The following WNK3 variants were observed in gnomAD, a reference collection of about 807,000 sequenced individuals.
The protein encoded by WNK3 is WNK lysine deficient protein kinase 3, also known as serine/threonine-protein kinase WNK3.
WNK3 carries 18 observed loss-of-function variants against 116.7 expected under a neutral mutation model. That is an observed-to-expected ratio of 0.15 (90% CI 0.11 to 0.23). The LOEUF (loss-of-function observed/expected upper bound fraction) is 0.23. Among genes scored for constraint, WNK3 ranks in the 10% least tolerant of loss-of-function variants. WNK3 has a pLI of 1.00. For synonymous variants in WNK3, 404 were observed against 469.4 expected (o/e 0.86, Z 1.80); for missense variants, 993 against 1,323.8 (o/e 0.75, Z 3.88).
chrX:54,286,731 G>A (rs1415255978), intron 10 of WNK3, among the ~76,000 whole-genome samples: 1 of 109,500 alleles, frequency 9.1e-6, no homozygotes, highest in East Asian at 2.9e-4. Flanking sequence ...TGGGCAACAT[G>A]GTGAATCCCT....
exon 24 of WNK3, chrX:54,193,596 T>C (rs1245933063): frequency 9.0e-6 from 1 of 110,951 alleles, no homozygotes; most frequent in Non-Finnish European, 1.9e-5. Context: ...AAAATAACTT[T>C]AGTGTAACCT....
chrX:54,227,257 T>C (rs1212830316), intron 22 of WNK3, among the ~76,000 whole-genome samples: 1 of 111,876 alleles, frequency 8.9e-6, no homozygotes, highest in Admixed American at 9.5e-5. Flanking sequence ...AATTGCCTTT[T>C]TAAATTTCAG....
intron 1 of WNK3, among the ~76,000 whole-genome samples, chrX:54,336,650 G>A (rs782073857): frequency 9.0e-6 from 1 of 111,244 alleles, no homozygotes; most frequent in Admixed American, 9.7e-5. Flanking sequence ...GAGGCAGATA[G>A]ACACCAGGGA....
At chrX:54,315,172 C>CA (rs782072428) in intron 2 of WNK3, among the ~76,000 whole-genome samples, 12 of 108,858 alleles carry the variant, frequency 1.1e-4, no homozygotes, top group Admixed American at 4.0e-4. Flanking sequence ...AGGCACGTCC[C>CA]AATAGCTGTA....
At chrX:54,326,512 T>C (rs2069107393) in intron 2 of WNK3, among the ~76,000 whole-genome samples, 1 of 110,703 alleles carries the variant, frequency 9.0e-6, no homozygotes, top group Non-Finnish European at 1.9e-5. Context: ...AAGACTAGCC[T>C]GAGCAACATA....
At chrX:54,327,960 C>A (rs1326990772) in intron 2 of WNK3, among the ~76,000 whole-genome samples, 1 of 106,671 alleles carries the variant, frequency 9.4e-6, no homozygotes, top group Non-Finnish European at 1.9e-5. Flanking sequence ...CAGAGGGAGA[C>A]CCTGTCTCAA....
chrX:54,254,712 G>GATT (rs1557155101), intron 12 of WNK3, among the ~76,000 whole-genome samples: 2 of 111,518 alleles, frequency 1.8e-5, no homozygotes, highest in African/African-American at 6.5e-5. Flanking sequence ...CAAGAACATA[G>GATT]GGAATGTAAG....
intron 2 of WNK3, among the ~76,000 whole-genome samples, chrX:54,315,933 T>C (rs1557170843): frequency 9.0e-6 from 1 of 110,799 alleles, no homozygotes; most frequent in African/African-American, 3.3e-5. Flanking sequence ...CTTATTCTCC[T>C]AGAATGCAAA....
chrX:54,236,810 A>G, intron 20 of WNK3, 128 bp downstream of exon 20: 2 of 786,348 alleles, frequency 2.5e-6, no homozygotes, highest in South Asian at 6.7e-5. Context: ...ATAAATGTTT[A>G]GCATTAGCAT....
At chrX:54,253,802 G>A (rs1335188986) in intron 13 of WNK3, among the ~76,000 whole-genome samples, 157 bp downstream of exon 13, 2 of 111,988 alleles carry the variant, frequency 1.8e-5, no homozygotes, top group African/African-American at 6.5e-5. Flanking sequence ...AGGAGATGCA[G>A]TGACTTACAC....
intron 22 of WNK3, among the ~76,000 whole-genome samples, chrX:54,216,691 A>G (rs782171064): frequency 4.1e-4 from 46 of 111,421 alleles, no homozygotes; most frequent in Non-Finnish European, 7.1e-4. Flanking sequence ...GCAAGCAGGA[A>G]GTAAATCAAA....
chrX:54,233,302 G>A (rs2067923862), intron 20 of WNK3, among the ~76,000 whole-genome samples: 1 of 106,240 alleles, frequency 9.4e-6, no homozygotes, highest in Non-Finnish European at 1.9e-5. Flanking sequence ...GCTGGGCACG[G>A]TGGTGCATGC....
intron 23 of WNK3, among the ~76,000 whole-genome samples, chrX:54,199,591 T>C (rs2067481523): frequency 8.9e-6 from 1 of 112,090 alleles, no homozygotes. Context: ...CCCAGCACTT[T>C]GGGAGGCCAA....
intron 10 of WNK3, among the ~76,000 whole-genome samples, chrX:54,280,064 C>A (rs1053364370): frequency 8.9e-6 from 1 of 111,978 alleles, no homozygotes; most frequent in Admixed American, 9.5e-5. Flanking sequence ...TTCGGGAGGC[C>A]GAGGCGGGTG....
chrX:54,258,001 G>A (rs2146963758), intron 11 of WNK3, among the ~76,000 whole-genome samples: 1 of 109,317 alleles, frequency 9.1e-6, no homozygotes, highest in South Asian at 4.1e-4. Context: ...GATGAGGCTG[G>A]GCGCTGTGGT....
At chrX:54,228,390 G>A (rs1274966512) in intron 22 of WNK3, among the ~76,000 whole-genome samples, 10 of 111,859 alleles carry the variant, frequency 8.9e-5, no homozygotes, top group Admixed American at 1.9e-4. Context: ...AGCCAGTCAC[G>A]AAACCACATA....
chrX:54,205,147 G>A (rs1263350510), intron 22 of WNK3, among the ~76,000 whole-genome samples: 1 of 110,307 alleles, frequency 9.1e-6, no homozygotes, highest in African/African-American at 3.3e-5. Context: ...CCTGGGTGGT[G>A]GAGGCTGCAG....
At chrX:54,319,331 T>C in intron 2 of WNK3, among the ~76,000 whole-genome samples, 2 of 110,012 alleles carry the variant, frequency 1.8e-5, no homozygotes, top group Admixed American at 2.0e-4. Context: ...CCCAGCTGAT[T>C]TTTGTATTTT....
intron 10 of WNK3, among the ~76,000 whole-genome samples, chrX:54,277,599 G>A (rs782680562): frequency 1.4e-3 from 158 of 111,024 alleles, no homozygotes; most frequent in Non-Finnish European, 2.4e-3. Context: ...GTCTCCCAAA[G>A]TGCTGGGATT....
Sources: gnomAD v4.1 joint callset for allele counts (sites outside exome capture counted in the v4.1 genomes callset) on GRCh38, gnomAD v4.1.1 for gene constraint, MANE v1.5 for transcripts, NCBI Gene and HGNC (gene_info 2026-07-23, HGNC 2026-07-21) for gene names.